The following NAALADL2 variants were observed in gnomAD, a reference collection of about 807,000 sequenced individuals.
The protein encoded by NAALADL2 is inactive N-acetylated-alpha-linked acidic dipeptidase-like protein 2.
A neutral mutation model predicts 87.2 loss-of-function variants in NAALADL2; 76 were observed. The ratio of observed to expected loss-of-function variants is 0.87; its 90% CI spans 0.72 to 1.05. NAALADL2 has a LOEUF of 1.05. Ranked by LOEUF, NAALADL2 falls within the 50% of genes least tolerant of loss-of-function variation. The pLI, the probability that NAALADL2 is intolerant of heterozygous loss-of-function variation, is 0.00. For synonymous variants in NAALADL2, 354 were observed against 331.0 expected (o/e 1.07, Z -0.75); for missense variants, 1,089 against 945.8 (o/e 1.15, Z -1.99).
At chr3:175,548,682 A>G (rs1713812990) in intron 9 of NAALADL2, among the ~76,000 whole-genome samples, 2 of 152,030 alleles carry the variant, frequency 1.3e-5, no homozygotes, top group African/African-American at 4.8e-5. Flanking sequence ...ATCCCTATGA[A>G]AGACAGTGCA....
chr3:175,210,124 C>T (rs1365414915), intron 2 of NAALADL2, among the ~76,000 whole-genome samples: 3 of 151,574 alleles, frequency 2.0e-5, no homozygotes, highest in Non-Finnish European at 3.0e-5. Flanking sequence ...CAAGAAAAAG[C>T]CAAACAAGCA....
At chr3:175,321,656 A>C (rs1330048441) in intron 4 of NAALADL2, among the ~76,000 whole-genome samples, 1 of 97,016 alleles carries the variant, frequency 1.0e-5, no homozygotes, top group Non-Finnish European at 2.0e-5. Flanking sequence ...ATACAAAATC[A>C]ATGTACAAAA....
intron 3 of NAALADL2, among the ~76,000 whole-genome samples, chr3:175,245,929 A>G (rs541018094): frequency 7.2e-4 from 110 of 152,294 alleles, no homozygotes; most frequent in African/African-American, 2.5e-3. Context: ...TAACTGGAAC[A>G]CTATTTTGAT....
intron 2 of NAALADL2, among the ~76,000 whole-genome samples, chr3:175,214,486 A>G (rs907688206): frequency 5.9e-5 from 9 of 152,136 alleles, no homozygotes; most frequent in Non-Finnish European, 8.8e-5. Context: ...TCAGTTACTG[A>G]TTTGATTTTG....
intron 1 of NAALADL2, among the ~76,000 whole-genome samples, chr3:175,009,630 C>G (rs1219769382): frequency 1.3e-5 from 2 of 152,026 alleles, no homozygotes; most frequent in African/African-American, 4.8e-5. Flanking sequence ...TCTTATTTAC[C>G]TCTAGACTGT....
chr3:175,176,621 C>G (rs978639260), intron 2 of NAALADL2, among the ~76,000 whole-genome samples: 1 of 152,064 alleles, frequency 6.6e-6, no homozygotes, highest in Non-Finnish European at 1.5e-5. Flanking sequence ...CTCTCTGACT[C>G]TTTGCCTCTT....
At chr3:175,084,886 G>A (rs1452080522) in intron 1 of NAALADL2, among the ~76,000 whole-genome samples, 2 of 152,100 alleles carry the variant, frequency 1.3e-5, no homozygotes, top group Admixed American at 1.3e-4. Flanking sequence ...ATGTGTTTGG[G>A]GGAACTACTA....
At chr3:174,611,336 T>TA (rs529226711) in intron 2 of NAALADL2, among the ~76,000 whole-genome samples, 68 of 151,738 alleles carry the variant, frequency 4.5e-4, no homozygotes, top group African/African-American at 1.5e-3. Flanking sequence ...TAAAAATAAA[T>TA]AAAAAAAAGT....
At position 175,734,839 on chromosome 3, in the gene NAALADL2, C is replaced by T. The variant is rs184013930; in HGVS notation, c.1897-2467C>T. ...CCAGGCTTGTGATGGGAGGGGCTGCCGCAAAGGTCTCTGACATGCCCTAGA... is the reference window on the plus strand; with the variant it reads ...CCAGGCTTGTGATGGGAGGGGCTGCTGCAAAGGTCTCTGACATGCCCTAGA... On this transcript the variant is annotated intron_variant, in intron 11 of 13. Transcript: ENST00000454872. Among the ~76,000 whole-genome samples, 542 of 152,276 alleles carry T rather than the reference C, an allele frequency of 3.6e-3. 4 individuals are homozygous for T. Among genetic ancestry groups the T allele is most frequent in the African/African-American group, 0.012 (505 of 41,558 alleles).
chr3:174,983,241 A>G (rs1745369405), intron 1 of NAALADL2, among the ~76,000 whole-genome samples: 1 of 152,168 alleles, frequency 6.6e-6, no homozygotes, highest in South Asian at 2.1e-4. Context: ...ATTTTCTGAG[A>G]AAAATACAAG....
At chr3:174,840,314 T>C in intron 3 of NAALADL2, among the ~76,000 whole-genome samples, 1 of 152,012 alleles carries the variant, frequency 6.6e-6, no homozygotes, top group African/African-American at 2.4e-5. Flanking sequence ...TATCAAATAT[T>C]TATTGAACAC....
Position 174,651,549 on chromosome 3 carries a change from A to T in NAALADL2, c.-114-86092A>T, listed in dbSNP as rs138686362. On this transcript the variant is annotated intron_variant, in intron 2 of 3. Transcript: ENST00000434257. The stretch of plus-strand genomic sequence containing the variant: ...TAATTGCTTTCTTTTTTTAAATAAA[A>T]ACAATAACTTAGGCTTTATTAATCA... 8.3e-3 allele frequency among the ~76,000 whole-genome samples: 1,269 copies of T among 152,312 alleles called. 10 individuals are homozygous for T. The highest frequency in any genetic ancestry group is 0.029 in the African/African-American group (1,202 of 41,570).
intron 1 of NAALADL2, among the ~76,000 whole-genome samples, chr3:174,478,131 A>C (rs937407957): frequency 6.6e-6 from 1 of 152,200 alleles, no homozygotes; most frequent in Admixed American, 6.5e-5. Flanking sequence ...TACTTTTAAC[A>C]ATATATTTTA....
At chr3:175,689,148 CTT>C (rs1736705021) in intron 11 of NAALADL2, among the ~76,000 whole-genome samples, 1 of 151,932 alleles carries the variant, frequency 6.6e-6, no homozygotes, top group Non-Finnish European at 1.5e-5. Flanking sequence ...TGAAAAATGG[CTT>C]TTATTAGAAG....
Position 175,173,866 on chromosome 3 carries a change from A to G in NAALADL2, c.546-60065A>G, listed in dbSNP as rs183482114. 2.1e-4 allele frequency among the ~76,000 whole-genome samples: 32 copies of G among 152,316 alleles called. No homozygotes were observed. In the East Asian group the frequency reaches 6.0e-3, roughly 28 times the overall value. On this transcript the variant is annotated intron_variant, in intron 2 of 13. Coordinates refer to ENST00000454872, the MANE Select transcript of NAALADL2 (RefSeq NM_207015.3). ...TGCAATTTTCGTCTATAGAGTTTAA[A>G]AGTTTTCTTTGATTTTGACCTATGT... is the stretch of plus-strand genomic sequence containing the variant.
At chr3:175,428,527 G>A (rs1383175681) in intron 5 of NAALADL2, among the ~76,000 whole-genome samples, 1 of 152,010 alleles carries the variant, frequency 6.6e-6, no homozygotes, top group African/African-American at 2.4e-5. Flanking sequence ...CTAAGCATGT[G>A]GAGTGTGTGG....
chr3:175,004,949 T>C (rs1748818033), intron 1 of NAALADL2, among the ~76,000 whole-genome samples: 1 of 151,856 alleles, frequency 6.6e-6, no homozygotes, highest in Admixed American at 6.6e-5. Context: ...GTATATAAAA[T>C]TGTGACAATG....
chr3:175,371,083 G>A (rs1257410915), intron 5 of NAALADL2, among the ~76,000 whole-genome samples: 1 of 152,072 alleles, frequency 6.6e-6, no homozygotes, highest in African/African-American at 2.4e-5. Context: ...TATCCCAAAA[G>A]GATGATTTGT....
intron 3 of NAALADL2, among the ~76,000 whole-genome samples, chr3:174,763,573 C>A (rs1196311119): frequency 4.3e-5 from 1 of 23,368 alleles, no homozygotes; most frequent in South Asian, 1.3e-3. Context: ...GGCTACAGAG[C>A]GAGACTCCAT....
Sources: allele counts gnomAD v4.1 joint callset (sites outside exome capture counted in the v4.1 genomes callset), GRCh38; gene constraint gnomAD v4.1.1; transcripts MANE v1.5; gene names NCBI Gene and HGNC (gene_info 2026-07-23, HGNC 2026-07-21).